DTNA: variants seen among roughly 807,000 people sequenced by gnomAD.
DTNA encodes the protein dystrophin-related protein 3.
DTNA carries 43 observed loss-of-function variants against 100.7 expected under a neutral mutation model. The observed-to-expected ratio is 0.43, with a 90% CI of 0.33 to 0.55. DTNA has a LOEUF of 0.55. DTNA is among the 20% of genes least tolerant of loss of function. The probability of loss-of-function intolerance (pLI) is 0.04; values close to 1 mark genes in which losing one functional copy is unlikely to be tolerated. For missense variants in DTNA, 798 were observed against 953.9 expected (o/e 0.84, Z 2.15); for synonymous variants, 349 against 347.9 (o/e 1.00, Z -0.04).
chr18:34,715,671 A>G (rs1475712365), intron 1 of DTNA, among the ~76,000 whole-genome samples: 1 of 152,078 alleles, frequency 6.6e-6, no homozygotes, highest in Non-Finnish European at 1.5e-5. Context: ...TATAGAACTT[A>G]TGATAGAAAA....
At chr18:34,753,366 A>ATTTTATTTTT (rs2092500633) in intron 1 of DTNA, among the ~76,000 whole-genome samples, 1 of 133,150 alleles carries the variant, frequency 7.5e-6, no homozygotes, top group African/African-American at 3.2e-5. Context: ...TATTTATTTT[A>ATTTTATTTTT]TTTTTTTTTT....
Position 34,586,145 on chromosome 18 carries a change from A to G in DTNA, c.-2+92631A>G, listed in dbSNP as rs148968487. ...TGAAGAAAAGGTTCCATAGAAAACA[A>G]CAGCAAGTTTGAAAAACACTGATAG... is the stretch of plus-strand genomic sequence containing the variant. On this transcript the variant is annotated intron_variant, in intron 1 of 19. Transcript: ENST00000283365. Among the ~76,000 whole-genome samples the G allele has an allele frequency of 7.9e-5, 12 of 152,342 alleles. No individual in the cohort carries two copies. In the East Asian group the frequency reaches 2.3e-3, roughly 29 times the overall value.
At position 34,890,382 on chromosome 18, in the gene DTNA, T is replaced by A. The variant is rs1434101720; in HGVS notation, c.*2648T>A. ...TGGCGTGTGTTATTTTGGGGTTTTGTGTTTTTTGGTGGGTTTCTTTCCTTG... is the reference window on the plus strand; with the variant it reads ...TGGCGTGTGTTATTTTGGGGTTTTGAGTTTTTTGGTGGGTTTCTTTCCTTG... On this transcript the variant is annotated 3_prime_UTR_variant, in exon 23 of 23. Transcript: ENST00000444659. The A allele has an allele frequency of 2.0e-6, 3 of 1,536,036 alleles. No individual in the cohort carries two copies. The Admixed American group carries it at 5.9e-5, about 30-fold the overall frequency.
chr18:34,762,334 G>A (rs1601602884), intron 2 of DTNA, among the ~76,000 whole-genome samples: 1 of 152,156 alleles, frequency 6.6e-6, no homozygotes, highest in Non-Finnish European at 1.5e-5. Context: ...ATACAGTTAG[G>A]TAGATTTATG....
intron 3 of DTNA, among the ~76,000 whole-genome samples, chr18:34,776,482 C>G (rs1177378995): frequency 2.0e-5 from 3 of 152,180 alleles, no homozygotes; most frequent in African/African-American, 7.2e-5. Context: ...GCTGGGACTA[C>G]AGGCACTTGC....
chr18:34,882,234 C>G (rs367785714), intron 21 of DTNA, 33 bp downstream of exon 21: 5 of 1,612,006 alleles, frequency 3.1e-6, no homozygotes, highest in Non-Finnish European at 4.2e-6. Flanking sequence ...CACCCCACCT[C>G]TTCTGCCTCA....
intron 1 of DTNA, among the ~76,000 whole-genome samples, chr18:34,562,221 T>C (rs756848373): frequency 2.0e-5 from 3 of 152,182 alleles, no homozygotes; most frequent in Non-Finnish European, 4.4e-5. Context: ...TACATACACA[T>C]AAATACACAC....
chr18:34,767,286 TG>T (rs561290981), intron 3 of DTNA, among the ~76,000 whole-genome samples: 319 of 152,268 alleles, frequency 2.1e-3, no homozygotes, highest in African/African-American at 7.5e-3. Context: ...CCTAGGGCCC[TG>T]GGCAGGTCAC....
At chr18:34,659,340 T>C (rs928384865) in intron 1 of DTNA, among the ~76,000 whole-genome samples, 41 of 152,210 alleles carry the variant, frequency 2.7e-4, no homozygotes, top group African/African-American at 9.6e-4. Flanking sequence ...ATGAGGTCTT[T>C]TATTCCTTTT....
At chr18:34,724,513 G>A (rs1040459163) in intron 1 of DTNA, among the ~76,000 whole-genome samples, 1 of 152,314 alleles carries the variant, frequency 6.6e-6, no homozygotes, top group South Asian at 2.1e-4. Flanking sequence ...AAAGCATAAT[G>A]CCAGCATCTG....
At chr18:34,716,837 C>T (rs1053485219) in intron 1 of DTNA, among the ~76,000 whole-genome samples, 30 of 152,122 alleles carry the variant, frequency 2.0e-4, no homozygotes, top group Admixed American at 1.2e-3. Context: ...TTGTCTTCAC[C>T]GCTGATTTGC....
intron 6 of DTNA, chr18:34,815,672 A>T: frequency 2.1e-6 from 1 of 475,754 alleles, no homozygotes; most frequent in South Asian, 2.1e-5. Flanking sequence ...TCCTGGTGAT[A>T]CTATTGACTC....
intron 1 of DTNA, among the ~76,000 whole-genome samples, chr18:34,752,578 T>C (rs1438356893): frequency 6.6e-6 from 1 of 152,180 alleles, no homozygotes; most frequent in Admixed American, 6.5e-5. Context: ...GAGTAATAGG[T>C]GAGTATTCTC....
chr18:34,532,560 C>A (rs948998770), intron 1 of DTNA, among the ~76,000 whole-genome samples: 11 of 151,964 alleles, frequency 7.2e-5, no homozygotes, highest in Non-Finnish European at 1.5e-4. Flanking sequence ...GCACTTAACA[C>A]CCGGAAGGAA....
chr18:34,718,920 T>C (rs900468186), intron 1 of DTNA, among the ~76,000 whole-genome samples: 1 of 152,120 alleles, frequency 6.6e-6, no homozygotes, highest in African/African-American at 2.4e-5. Flanking sequence ...TTTAAGAAAA[T>C]AGAAGACTTT....
chr18:34,556,509 C>T (rs1160608447), intron 1 of DTNA, among the ~76,000 whole-genome samples: 10 of 151,682 alleles, frequency 6.6e-5, no homozygotes, highest in South Asian at 2.1e-4. Flanking sequence ...CGGCTGGTAC[C>T]GGTTGTTCCT....
chr18:34,821,049 A>G, intron 9 of DTNA, 134 bp downstream of exon 9: 8 of 1,331,348 alleles, frequency 6.0e-6, no homozygotes, highest in Non-Finnish European at 4.2e-6. Context: ...AAGTCAGAGT[A>G]ATGCCATCAT....
intron 12 of DTNA, 88 bp from the exon 13 acceptor site, chr18:34,838,657 T>G: frequency 8.6e-7 from 1 of 1,163,574 alleles, no homozygotes; most frequent in South Asian, 1.2e-5. Context: ...TAAATGCCTT[T>G]TCTACCAAAA....
chr18:34,502,937 T>TAA (rs1409379705), intron 1 of DTNA, among the ~76,000 whole-genome samples: 10 of 152,270 alleles, frequency 6.6e-5, no homozygotes, highest in Admixed American at 1.3e-4. Flanking sequence ...GTTTTCCTAT[T>TAA]AATGAAAAAG....
Sources: allele counts gnomAD v4.1 joint callset (sites outside exome capture counted in the v4.1 genomes callset), GRCh38; gene constraint gnomAD v4.1.1; transcripts MANE v1.5; gene names NCBI Gene and HGNC (gene_info 2026-07-23, HGNC 2026-07-21).